DUSP22: variants seen among roughly 807,000 people sequenced by gnomAD.
DUSP22 encodes dual specificity phosphatase 22, also known as dual specificity protein phosphatase 22.
Under a neutral mutation model 24.5 loss-of-function variants are expected in DUSP22, and 24 were observed. The observed-to-expected ratio is 0.98, with a 90% confidence interval of 0.71 to 1.38. The LOEUF is 1.38. Ranked by LOEUF, DUSP22 falls within the 40% of genes most tolerant of loss-of-function variation. DUSP22 has a pLI of 0.00. For missense variants in DUSP22, 330 were observed against 269.2 expected, an observed-to-expected ratio of 1.23 and a Z score of -1.58; for synonymous variants, 160 against 106.4, an observed-to-expected ratio of 1.50 and a Z score of -3.10.
At chr6:331,153 G>A (rs1470243773) in intron 3 of DUSP22, among the ~76,000 whole-genome samples, 3 of 152,412 alleles carry the variant, frequency 2.0e-5, no homozygotes, top group Admixed American at 2.0e-4. Context: ...CGAGATTGAA[G>A]CACCGTAACT....
intron 3 of DUSP22, among the ~76,000 whole-genome samples, chr6:315,205 A>G (rs1199749606): frequency 6.6e-6 from 1 of 152,310 alleles, no homozygotes; most frequent in Non-Finnish European, 1.5e-5. Context: ...GAAACGTAAT[A>G]GAAACCTGGG....
At chr6:323,582 A>C (rs1758708454) in intron 3 of DUSP22, among the ~76,000 whole-genome samples, 1 of 152,298 alleles carries the variant, frequency 6.6e-6, no homozygotes, top group South Asian at 2.1e-4. Flanking sequence ...TGAGAGGTGC[A>C]GCCACTATCA....
At chr6:331,267 ACTTTT>A (rs2127410863) in intron 3 of DUSP22, among the ~76,000 whole-genome samples, 1 of 152,428 alleles carries the variant, frequency 6.6e-6, no homozygotes, top group East Asian at 1.9e-4. Flanking sequence ...ATTTAGTGAG[ACTTTT>A]ATTGCTACAG....
chr6:348,444 G>C, intron 6 of DUSP22, 170 bp downstream of exon 6: 1 of 1,158,704 alleles, frequency 8.6e-7, no homozygotes, highest in Non-Finnish European at 1.2e-6. Context: ...ACGATCCCTC[G>C]TGCACCTGTT....
intron 2 of DUSP22, among the ~76,000 whole-genome samples, chr6:310,524 G>T (rs574725123): frequency 6.6e-6 from 1 of 152,304 alleles, no homozygotes; most frequent in Non-Finnish European, 1.5e-5. Context: ...AGACAGTTCT[G>T]TTTGGAATTT....
intron 2 of DUSP22, among the ~76,000 whole-genome samples, chr6:306,045 G>C (rs931606606): frequency 2.4e-4 from 37 of 152,296 alleles, no homozygotes; most frequent in Non-Finnish European, 1.3e-4. Context: ...ATTGCTACAA[G>C]AACATGTTAA....
At chr6:316,901 T>A (rs554559226) in intron 3 of DUSP22, among the ~76,000 whole-genome samples, 262 of 152,336 alleles carry the variant, frequency 1.7e-3, no homozygotes, top group Non-Finnish European at 3.2e-3. Context: ...AAGACCAGGG[T>A]ATTGTATGTA....
At chr6:304,334 G>A (rs983807598) in intron 1 of DUSP22, among the ~76,000 whole-genome samples, 1 of 152,422 alleles carries the variant, frequency 6.6e-6, no homozygotes, top group Admixed American at 6.5e-5. Flanking sequence ...GGGCCAGGGT[G>A]GGCAGGCGGG....
intron 1 of DUSP22, among the ~76,000 whole-genome samples, chr6:295,318 G>A (rs1289110731): frequency 6.6e-6 from 1 of 152,286 alleles, no homozygotes; most frequent in African/African-American, 2.4e-5. Context: ...CTTTGGGACA[G>A]CAGTTTTTAT....
intron 1 of DUSP22, among the ~76,000 whole-genome samples, chr6:303,221 G>A (rs1757664931): frequency 6.6e-6 from 1 of 152,308 alleles, no homozygotes; most frequent in Non-Finnish European, 1.5e-5. Flanking sequence ...TCCACATCCA[G>A]GACGAACTTG....
chr6:328,348 C>T (rs555763119), intron 3 of DUSP22, among the ~76,000 whole-genome samples: 13 of 152,420 alleles, frequency 8.5e-5, no homozygotes, highest in Admixed American at 3.9e-4. Flanking sequence ...TAACCCAGCC[C>T]GTACTGGCTG....
intron 2 of DUSP22, among the ~76,000 whole-genome samples, chr6:306,848 C>T (rs1757833155): frequency 6.6e-6 from 1 of 152,310 alleles, no homozygotes; most frequent in Non-Finnish European, 1.5e-5. Flanking sequence ...TGTGTGTCCT[C>T]ACATGAGTTA....
chr6:324,341 G>C (rs1758748393), intron 3 of DUSP22, among the ~76,000 whole-genome samples: 1 of 152,304 alleles, frequency 6.6e-6, no homozygotes, highest in African/African-American at 2.4e-5. Flanking sequence ...CCTGGGAGCA[G>C]TGACCCGCTC....
intron 1 of DUSP22, 124 bp downstream of exon 1, chr6:292,684 G>A (rs1303244312): frequency 1.5e-6 from 2 of 1,344,074 alleles, no homozygotes; most frequent in Non-Finnish European, 1.9e-6. Flanking sequence ...CGGGCGCGGA[G>A]GGAGGGGCGG....
intron 3 of DUSP22, among the ~76,000 whole-genome samples, chr6:318,714 A>T (rs112150555): frequency 6.6e-6 from 1 of 152,300 alleles, no homozygotes; most frequent in East Asian, 1.9e-4. Context: ...AAAGCCACAC[A>T]TCTCATACAC....
intron 3 of DUSP22, among the ~76,000 whole-genome samples, chr6:313,192 A>G (rs1250433177): frequency 6.6e-6 from 1 of 152,310 alleles, no homozygotes; most frequent in African/African-American, 2.4e-5. Flanking sequence ...CTCTTAAATC[A>G]CAAGATGAGG....
At chr6:333,716 C>T (rs1463569874) in intron 3 of DUSP22, among the ~76,000 whole-genome samples, 1 of 152,306 alleles carries the variant, frequency 6.6e-6, no homozygotes, top group Admixed American at 6.5e-5. Context: ...CCCACTTTGC[C>T]CCGAGCCAGC....
At chr6:302,648 T>TA (rs1209024700) in intron 1 of DUSP22, among the ~76,000 whole-genome samples, 2 of 152,308 alleles carry the variant, frequency 1.3e-5, no homozygotes, top group East Asian at 1.9e-4. Context: ...GCCACTATGA[T>TA]ACGTTCTCTG....
intron 4 of DUSP22, 75 bp from the exon 5 acceptor site, chr6:345,779 C>T: frequency 6.5e-7 from 1 of 1,543,234 alleles, no homozygotes; most frequent in Non-Finnish European, 8.8e-7. Context: ...AGAAAGAAGC[C>T]TCAGGTAGAA....
Sources: gnomAD v4.1 joint callset for allele counts (sites outside exome capture counted in the v4.1 genomes callset) on GRCh38, gnomAD v4.1.1 for gene constraint, MANE v1.5 for transcripts, NCBI Gene and HGNC (gene_info 2026-07-23, HGNC 2026-07-21) for gene names.